Variants in NDUFB4 observed in about 807,000 individuals in gnomAD.
The protein encoded by NDUFB4 is NADH dehydrogenase [ubiquinone] 1 beta subcomplex subunit 4.
In NDUFB4, 10 loss-of-function variants were observed where a neutral mutation model predicts 14.5. The ratio of observed to expected loss-of-function variants is 0.69; its 90% confidence interval spans 0.43 to 1.17. The LOEUF (loss-of-function observed/expected upper bound fraction) is 1.17, where lower values mean the gene tolerates loss of function less well. Among genes scored for constraint, NDUFB4 ranks in the 50% most tolerant of loss-of-function variants. The probability of loss-of-function intolerance (pLI) is 0.00; values close to 1 mark genes in which losing one functional copy is unlikely to be tolerated. For synonymous variants in NDUFB4, 65 were observed against 63.4 expected (o/e 1.03, Z -0.12); for missense variants, 165 against 161.1 (o/e 1.02, Z -0.13).
intron 2 of NDUFB4, 68 bp downstream of exon 2, chr3:120,601,325 CCTT>C: frequency 3.8e-6 from 6 of 1,597,950 alleles, no homozygotes; most frequent in Admixed American, 1.8e-5. Context: ...AGCTGCAGCT[CCTT>C]CTCTTGAAGA....
intron 1 of NDUFB4, among the ~76,000 whole-genome samples, chr3:120,598,236 T>A (rs563436176): frequency 6.6e-6 from 1 of 152,154 alleles, no homozygotes; most frequent in African/African-American, 2.4e-5. Context: ...GTATTTTTTA[T>A]AGAGATGGAG....
At chr3:120,599,390 T>A (rs1400914766) in intron 1 of NDUFB4, among the ~76,000 whole-genome samples, 1 of 152,024 alleles carries the variant, frequency 6.6e-6, no homozygotes, top group Non-Finnish European at 1.5e-5. Context: ...CCAGATGACA[T>A]CATCAAGGGA....
chr3:120,599,890 C>G (rs183246166), intron 1 of NDUFB4, among the ~76,000 whole-genome samples: 1 of 152,168 alleles, frequency 6.6e-6, no homozygotes, highest in East Asian at 1.9e-4. Flanking sequence ...TGGACCTAAT[C>G]TGTGTCTTTA....
intron 1 of NDUFB4, among the ~76,000 whole-genome samples, chr3:120,600,555 T>A (rs955230945): frequency 5.9e-5 from 9 of 152,232 alleles, no homozygotes; most frequent in African/African-American, 2.2e-4. Flanking sequence ...TCACACTAGG[T>A]CAGCTTAAAA....
intron 2 of NDUFB4, 138 bp downstream of exon 2, chr3:120,601,395 C>A: frequency 6.7e-7 from 1 of 1,497,186 alleles, no homozygotes; most frequent in Middle Eastern, 1.8e-4. Flanking sequence ...TTCCTCTCTT[C>A]TTTTATCTTT....
chr3:120,602,223 C>T lies in NDUFB4; in HGVS notation c.343C>T (p.Leu115Phe), dbSNP rs1559774293. The change falls in exon 3 of 3, where the codon CTT (leucine) becomes TTT (phenylalanine). Residue 115 changes from leucine to phenylalanine, a missense_variant. Coordinates refer to ENST00000184266, the MANE Select transcript of NDUFB4 (RefSeq NM_004547.6). ...IKTERDRKEK[L>F]IQEGKLDRTF... ...GTCTTTACAGGATAGGAAAGAAAAA[C>T]TTATCCAGGAAGGAAAATTGGATCG... The T allele has an allele frequency of 1.2e-6, 2 of 1,611,054 alleles. No individual in the cohort carries two copies. Among genetic ancestry groups the T allele is most frequent in the Non-Finnish European group, 1.7e-6 (2 of 1,179,564 alleles).
intron 1 of NDUFB4, among the ~76,000 whole-genome samples, chr3:120,598,369 TA>T (rs1940002843): frequency 6.6e-6 from 1 of 152,094 alleles, no homozygotes; most frequent in Admixed American, 6.6e-5. Context: ...GCCTAATCTT[TA>T]AGAATGATTG....
chr3:120,598,558 G>GA (rs1313445342), intron 1 of NDUFB4, among the ~76,000 whole-genome samples: 2 of 151,950 alleles, frequency 1.3e-5, no homozygotes, highest in African/African-American at 2.4e-5. Context: ...TAAGTGATGA[G>GA]AAAAAAAATA....
At chr3:120,598,932 G>T (rs926299121) in intron 1 of NDUFB4, among the ~76,000 whole-genome samples, 1 of 152,122 alleles carries the variant, frequency 6.6e-6, no homozygotes, top group Non-Finnish European at 1.5e-5. Flanking sequence ...GCTTAGTTGA[G>T]AATTGACTAT....
rs932838229 is a variant in NDUFB4, at chr3:120,596,501, C to CT, written c.143dup (p.Leu49AlafsTer31). 6.2e-7 allele frequency: 1 copy of CT among 1,613,872 alleles called. No individual in the cohort carries two copies. Among genetic ancestry groups the CT allele is most frequent in the Admixed American group, 1.7e-5 (1 of 59,980 alleles). On this transcript the variant is annotated frameshift_variant, in exon 1 of 3. Coordinates refer to ENST00000184266, the MANE Select transcript of NDUFB4 (RefSeq NM_004547.6). LOFTEE classifies it high-confidence loss of function. Reference sequence around the variant, plus strand: ...AAGAGCCCAGCTGAAACGAGAGTACCTGCTTCAGTACAACGATCCCAACCG... The same window carrying CT: ...AAGAGCCCAGCTGAAACGAGAGTACCTTGCTTCAGTACAACGATCCCAACCG...
At chr3:120,601,417 G>A in intron 2 of NDUFB4, 160 bp downstream of exon 2, 1 of 1,429,274 alleles carries the variant, frequency 7.0e-7, no homozygotes, top group East Asian at 2.4e-5. Flanking sequence ...TTCCTTTCCA[G>A]CAGGAGTTAA....
rs1940072938 is a variant in NDUFB4, at chr3:120,602,037, T to C, written c.328-171T>C. 2.1e-6 allele frequency: 3 copies of C among 1,421,432 alleles called. No homozygotes were observed. In the East Asian group the frequency reaches 7.8e-5, roughly 37 times the overall value. 88.1% of individuals were successfully genotyped at this position (1,421,432 alleles called of 1,614,324 possible). A position where few individuals can be genotyped will look rare whatever the true frequency, so the allele number is the denominator to read the frequency against. On this transcript the variant is annotated intron_variant, in intron 2 of 2. Transcript: ENST00000184266. ...GTTTCTTCGCACACTCCCTGGGCTTTAGACAGTGGGATTGCAATTAGGTTT... is the reference window on the plus strand; with the variant it reads ...GTTTCTTCGCACACTCCCTGGGCTTCAGACAGTGGGATTGCAATTAGGTTT...
At chr3:120,596,776 C>T (rs1278439588) in intron 1 of NDUFB4, 1 of 536,730 alleles carries the variant, frequency 1.9e-6, no homozygotes, top group African/African-American at 1.9e-5. Flanking sequence ...GCCTGCGTGA[C>T]CTTAAGAACG....
chr3:120,602,218 A>T lies in NDUFB4; in HGVS notation c.338A>T (p.Glu113Val). 6.2e-7 allele frequency: 1 copy of T among 1,611,256 alleles called. No homozygotes were observed. Residue 113 changes from glutamate (E) to valine (V), a missense_variant, in exon 3 of 3, where the codon GAA becomes GTA. Transcript: ENST00000184266. ...YIIKTERDRK[E>V]KLIQEGKLDR... ...TTTCTGTCTTTACAGGATAGGAAAG[A>T]AAAACTTATCCAGGAAGGAAAATTG...
Position 120,601,284 on chromosome 3 carries a change from A to G in NDUFB4, c.327+27A>G, listed in dbSNP as rs138283839. The G allele has an allele frequency of 1.4e-4, 219 of 1,611,800 alleles. 1 individual carries two copies. Among genetic ancestry groups the G allele is most frequent in the Admixed American group, 1.3e-3 (76 of 59,334 alleles). On this transcript the variant is annotated intron_variant, in intron 2 of 2. Transcript: ENST00000184266. Reference sequence around the variant, plus strand: ...TAAGTATTCAGACCAGATGTTTAGTATTTGAGTGATAGGTTCACTTTCTAG... The same window carrying G: ...TAAGTATTCAGACCAGATGTTTAGTGTTTGAGTGATAGGTTCACTTTCTAG...
chr3:120,601,941 G>T, intron 2 of NDUFB4: 1 of 1,199,436 alleles, frequency 8.3e-7, no homozygotes, highest in East Asian at 4.3e-5. Flanking sequence ...TATTTCTAAT[G>T]ACTAAAATGT....
chr3:120,602,011 T>C (rs1228995014), intron 2 of NDUFB4, 197 bp from the exon 3 acceptor site: 5 of 1,327,462 alleles, frequency 3.8e-6, no homozygotes, highest in Non-Finnish European at 4.8e-6. Flanking sequence ...CTCGGATTAC[T>C]GTTTCTTCGC....
At chr3:120,597,303 G>A (rs804986) in intron 1 of NDUFB4, among the ~76,000 whole-genome samples, 108,954 of 151,780 alleles carry the variant, frequency 0.72, 39,332 homozygotes, top group East Asian at 0.86. Flanking sequence ...TCCTGGTTTC[G>A]TATATAAATG....
intron 2 of NDUFB4, 173 bp downstream of exon 2, chr3:120,601,430 CAG>C (rs777185826): frequency 2.0e-4 from 284 of 1,448,046 alleles, no homozygotes; most frequent in South Asian, 7.5e-4. Flanking sequence ...GGAGTTAAAA[CAG>C]AAAGTTTTCA....
Sources: gnomAD v4.1 joint callset for allele counts (sites outside exome capture counted in the v4.1 genomes callset) on GRCh38, gnomAD v4.1.1 for gene constraint, MANE v1.5 for transcripts, NCBI Gene and HGNC (gene_info 2026-07-23, HGNC 2026-07-21) for gene names.